Variants in ESF1 observed in about 807,000 individuals in gnomAD.
The protein encoded by ESF1 is ESF1 nucleolar pre-rRNA processing protein, also known as ESF1 homolog.
ESF1 carries 58 observed loss-of-function variants against 92.0 expected under a neutral mutation model. That is an observed-to-expected ratio of 0.63 (90% CI 0.51 to 0.78). The LOEUF is 0.78. ESF1 is among the 30% of genes least tolerant of loss of function. The probability of loss-of-function intolerance (pLI) is 0.00; values close to 1 mark genes in which losing one functional copy is unlikely to be tolerated. For missense variants in ESF1, 922 were observed against 989.1 expected (o/e 0.93, Z 0.91); for synonymous variants, 321 against 313.7 (o/e 1.02, Z -0.24).
At chr20:13,767,008 G>T in intron 7 of ESF1, 84 bp from the exon 8 acceptor site, 1 of 1,313,896 alleles carries the variant, frequency 7.6e-7, no homozygotes, top group Non-Finnish European at 1.0e-6. Context: ...CTATTAACCT[G>T]GATGTTTAAC....
At chr20:13,767,761 G>A (rs1979494946) in intron 7 of ESF1, among the ~76,000 whole-genome samples, 1 of 152,186 alleles carries the variant, frequency 6.6e-6, no homozygotes, top group African/African-American at 2.4e-5. Flanking sequence ...CATGACTGAT[G>A]TGGTGATGAC....
At chr20:13,722,864 GAA>G (rs1179266362) in intron 11 of ESF1, among the ~76,000 whole-genome samples, 1 of 143,214 alleles carries the variant, frequency 7.0e-6, no homozygotes, top group East Asian at 2.0e-4. Context: ...AAAAAAAGAA[GAA>G]AAAAAAAAGA....
rs1207788632 is a variant in ESF1 at position 13,783,013 on chromosome 20, T to C, written c.128A>G (p.His43Arg). Residue 43 changes from histidine (H) to arginine (R), a missense_variant, in exon 2 of 14, where the codon CAT (histidine) becomes CGT (arginine). His to Arg is a conservative substitution (Grantham distance 29). Coordinates refer to ENST00000617257, the MANE Select transcript of ESF1 (RefSeq NM_001276380.2). ...ATAGTTCAACTTGAACTTCTTGTCA[T>C]GAAACATGGCTCGAAATCTCTTGTC... ...KIDKRFRAMF[H>R]DKKFKLNYAV... is the part of the protein sequence containing the mutation. 1 of 1,614,218 alleles carries C rather than the reference T, an allele frequency of 6.2e-7. No individual in the cohort carries two copies.
rs6074638 is a variant in ESF1 at position 13,748,862 on chromosome 20, A to T, written c.1828+10830T>A. 3.9e-5 allele frequency among the ~76,000 whole-genome samples: 6 copies of T among 151,910 alleles called. No individual in the cohort carries two copies. The East Asian group carries it at 1.2e-3, about 29-fold the overall frequency. On this transcript the variant is annotated intron_variant, in intron 9 of 13. Transcript: ENST00000617257. ...TCAGCCTCCCAAAGTGCTGGGATTA[A>T]AGGCGTGAGCCACCATGCCCAGCCC...
chr20:13,742,196 GTC>G (rs1296875494), intron 9 of ESF1, among the ~76,000 whole-genome samples: 4 of 152,228 alleles, frequency 2.6e-5, no homozygotes, highest in Admixed American at 2.0e-4. Flanking sequence ...ACGAAACCCT[GTC>G]TCTACTAAAA....
rs533160838 is a variant in ESF1, at chr20:13,758,476, A to G, written c.1828+1216T>C. On this transcript the variant is annotated intron_variant, in intron 9 of 13. Transcript: ENST00000617257. ...TCCTAGCAAATTTACTACAATAGCCAGTGTCCATCCTAGCAAATTTACTAC... is the reference window on the plus strand; with the variant it reads ...TCCTAGCAAATTTACTACAATAGCCGGTGTCCATCCTAGCAAATTTACTAC... Among the ~76,000 whole-genome samples, 6 of 152,346 alleles carry G rather than the reference A, an allele frequency of 3.9e-5. No homozygotes were observed. In the East Asian group the frequency reaches 1.2e-3, roughly 29 times the overall value.
At chr20:13,725,310 G>T (rs980014939) in intron 11 of ESF1, among the ~76,000 whole-genome samples, 8 of 151,996 alleles carry the variant, frequency 5.3e-5, no homozygotes, top group Admixed American at 3.9e-4. Context: ...CTGTATCTTA[G>T]TAACTTCTTT....
intron 2 of ESF1, among the ~76,000 whole-genome samples, chr20:13,781,690 T>C (rs1032398846): frequency 2.6e-5 from 4 of 152,214 alleles, no homozygotes; most frequent in Non-Finnish European, 5.9e-5. Context: ...CCAGAGAGCA[T>C]GCCTTTTTCT....
rs1283971789 is a variant in ESF1 at position 13,722,883 on chromosome 20, A to G, written c.2039-3899T>C. 2.6e-5 allele frequency among the ~76,000 whole-genome samples: 4 copies of G among 152,034 alleles called. No individual in the cohort carries two copies. In the East Asian group the frequency reaches 7.7e-4, roughly 29 times the overall value. On this transcript the variant is annotated intron_variant, in intron 11 of 13. Coordinates refer to ENST00000617257, the MANE Select transcript of ESF1 (RefSeq NM_001276380.2). ...AAAGAAGAAAAAAAAAAGAAACTAC[A>G]TCTCCTGGGACTGCTGCAAAAAATA...
rs118149759 is a variant in ESF1, at chr20:13,716,046, G to A, written c.2263-879C>T. ...CTGGAATGGGAGCATATGTGAAACT[G>A]ACTCAAACAACAGAAGCTACAGAGT... On this transcript the variant is annotated intron_variant, in intron 13 of 13. Coordinates refer to ENST00000617257, the MANE Select transcript of ESF1 (RefSeq NM_001276380.2). Among the ~76,000 whole-genome samples the A allele has an allele frequency of 7.5e-4, 114 of 152,340 alleles. 1 individual carries two copies. In the East Asian group the frequency reaches 0.018, roughly 23 times the overall value.
chr20:13,723,507 A>ATTTTTTTTTTTT, intron 11 of ESF1, among the ~76,000 whole-genome samples: 2 of 150,616 alleles, frequency 1.3e-5, no homozygotes, highest in Admixed American at 6.7e-5. Context: ...ATCCTAGATG[A>ATTTTTTTTTTTT]TATTTTTAAA....
intron 2 of ESF1, among the ~76,000 whole-genome samples, chr20:13,779,508 T>C (rs540041081): frequency 7.2e-5 from 11 of 152,338 alleles, no homozygotes; most frequent in African/African-American, 2.6e-4. Flanking sequence ...ATTTAATTAA[T>C]CTCTTAATGA....
At chr20:13,732,842 C>T (rs1441811402) in intron 10 of ESF1, among the ~76,000 whole-genome samples, 2 of 152,136 alleles carry the variant, frequency 1.3e-5, no homozygotes, top group African/African-American at 4.8e-5. Flanking sequence ...ATGCTATTCC[C>T]TGAACAACAT....
intron 11 of ESF1, among the ~76,000 whole-genome samples, chr20:13,727,830 G>A (rs2049912095): frequency 6.6e-6 from 1 of 152,168 alleles, no homozygotes; most frequent in East Asian, 1.9e-4. Flanking sequence ...TAAGCATAAT[G>A]AGTACAAAAG....
chr20:13,782,856 C>CT lies in ESF1; in HGVS notation c.284dup (p.Lys96GlufsTer7). On this transcript the variant is annotated frameshift_variant, in exon 2 of 14. Coordinates refer to ENST00000617257, the MANE Select transcript of ESF1 (RefSeq NM_001276380.2). LOFTEE classifies it high-confidence loss of function. ...CTTTTTTAGTCTGGGTTTTTTTCTT[C>CT]TTTATTTTCTTTTGACTCAATGCTT... The CT allele has an allele frequency of 6.2e-7, 1 of 1,600,368 alleles. No homozygotes were observed. The highest frequency in any genetic ancestry group is 8.5e-7 in the Non-Finnish European group (1 of 1,176,822).
Position 13,775,932 on chromosome 20 carries a change from C to T in ESF1, c.976G>A (p.Glu326Lys). 1 of 1,613,690 alleles carries T rather than the reference C, an allele frequency of 6.2e-7. No homozygotes were observed. The highest frequency in any genetic ancestry group is 1.1e-5 in the South Asian group (1 of 91,024). ...EDDTADLFPE[E>K]SGFEHAWREL... ...CTCCAAGCATGCTCAAAACCAGATT[C>T]TTCTGGAAACAAATCTGCCGTATCA... is the stretch of plus-strand genomic sequence containing the variant. Residue 326 changes from glutamate to lysine, a missense_variant, in exon 3 of 14, where the codon GAA becomes AAA. Physicochemically the swap from Glu to Lys is moderately conservative, Grantham distance 56. Coordinates refer to ENST00000617257, the MANE Select transcript of ESF1 (RefSeq NM_001276380.2).
chr20:13,715,026 G>C lies in ESF1; in HGVS notation c.2404C>G (p.Gln802Glu), dbSNP rs770566392. ...EKARQRERKEQELTQAIKKKE... is the reference protein window; with the variant it reads ...EKARQRERKEEELTQAIKKKE... ...TTCTTTATTGCCTGAGTAAGTTCTTGTTCTTTCCGTTCTCTTTGCCGGGCC... is the reference window on the plus strand; with the variant it reads ...TTCTTTATTGCCTGAGTAAGTTCTTCTTCTTTCCGTTCTCTTTGCCGGGCC... The change falls in exon 14 of 14, where the codon CAA (glutamine) becomes GAA (glutamate). Residue 802 changes from glutamine (Q) to glutamate (E), a missense_variant. Transcript: ENST00000617257. The C allele has an allele frequency of 1.2e-4, 186 of 1,613,588 alleles. No individual in the cohort carries two copies. The highest frequency in any genetic ancestry group is 1.5e-4 in the Non-Finnish European group (175 of 1,179,944).
intron 10 of ESF1, among the ~76,000 whole-genome samples, chr20:13,731,091 A>C (rs1279569044): frequency 6.6e-6 from 1 of 152,158 alleles, no homozygotes; most frequent in Non-Finnish European, 1.5e-5. Context: ...CAACGAGTCC[A>C]GACTTAGCCC....
At chr20:13,717,346 T>C in intron 13 of ESF1, 22 bp downstream of exon 13, 1 of 1,612,450 alleles carries the variant, frequency 6.2e-7, no homozygotes, top group Non-Finnish European at 8.5e-7. Context: ...TTTAAGAGGC[T>C]ATGCCTGGTG....
Sources: gnomAD v4.1 joint callset for allele counts (sites outside exome capture counted in the v4.1 genomes callset) on GRCh38, gnomAD v4.1.1 for gene constraint, MANE v1.5 for transcripts, NCBI Gene and HGNC (gene_info 2026-07-23, HGNC 2026-07-21) for gene names.